RHOC: variants seen among roughly 807,000 people sequenced by gnomAD.
RHOC encodes the protein ras homolog family member C, also known as rho-related GTP-binding protein RhoC.
Under a neutral mutation model 19.5 loss-of-function variants are expected in RHOC, and 13 were observed. That is an observed-to-expected ratio of 0.67 (90% CI 0.43 to 1.06). RHOC has a LOEUF of 1.06. Among genes scored for constraint, RHOC ranks in the 50% least tolerant of loss-of-function variants. RHOC has a pLI of 0.00. For missense variants in RHOC, 173 were observed against 256.9 expected (o/e 0.67, Z 2.23); for synonymous variants, 106 against 97.3 (o/e 1.09, Z -0.52).
intron 4 of RHOC, 40 bp downstream of exon 4, chr1:112,702,959 T>C (rs755137127): frequency 3.7e-6 from 6 of 1,610,130 alleles, no homozygotes; most frequent in East Asian, 2.2e-5. Context: ...CTCTGGCTGA[T>C]TCCAAGGGGT....
intron 5 of RHOC, 121 bp from the exon 6 acceptor site, chr1:112,701,834 G>A (rs1674649563): frequency 1.6e-5 from 17 of 1,053,248 alleles, no homozygotes; most frequent in Non-Finnish European, 2.1e-5. Context: ...CCCAGAAAGC[G>A]CCCAGGCCCC....
chr1:112,704,972 G>A (rs1674788078), intron 2 of RHOC, 128 bp downstream of exon 2: 4 of 651,368 alleles, frequency 6.1e-6, no homozygotes. Flanking sequence ...CTGTGACTCA[G>A]GGCAAGGAGT....
In RHOC at chr1:112,705,014, C is replaced by T. The variant is rs1483584982; in HGVS notation, c.-8+86G>A. 3 of 685,482 alleles carry T rather than the reference C, an allele frequency of 4.4e-6. No individual in the cohort carries two copies. The African/African-American group carries it at 5.3e-5, about 12-fold the overall frequency. The allele number at this position is 685,482 out of a possible 1,614,324, so 42.5% of individuals were successfully genotyped here. A position where few individuals can be genotyped will look rare whatever the true frequency, so the allele number is the denominator to read the frequency against. On this transcript the variant is annotated intron_variant, in intron 2 of 5. Transcript: ENST00000339083. Reference sequence around the variant, plus strand: ...CCCGGGCTTCCATGTGTCCCCCACCCCCAGCACACACAGCGAGCATCTGCA... The same window carrying T: ...CCCGGGCTTCCATGTGTCCCCCACCTCCAGCACACACAGCGAGCATCTGCA...
chr1:112,703,891 AC>A, intron 2 of RHOC, 85 bp from the exon 3 acceptor site: 2 of 1,307,642 alleles, frequency 1.5e-6, no homozygotes, highest in East Asian at 2.5e-5. Flanking sequence ...CTCCCTGGAA[AC>A]CGAGGCATCT....
rs1674790561 is a variant in RHOC, at chr1:112,705,025, C to T, written c.-8+75G>A. ...ATGTGTCCCCCACCCCCAGCACACACAGCGAGCATCTGCACAGTTCATCAC... is the reference window on the plus strand; with the variant it reads ...ATGTGTCCCCCACCCCCAGCACACATAGCGAGCATCTGCACAGTTCATCAC... On this transcript the variant is annotated intron_variant, in intron 2 of 5. Coordinates refer to ENST00000339083, the MANE Select transcript of RHOC (RefSeq NM_175744.5). The T allele has an allele frequency of 4.3e-6, 3 of 689,836 alleles. No individual in the cohort carries two copies. In the South Asian group the frequency reaches 4.5e-5, roughly 10 times the overall value. The allele number at this position is 689,836 out of a possible 1,614,324, so 42.7% of individuals were successfully genotyped here. A position where few individuals can be genotyped will look rare whatever the true frequency, so the allele number is the denominator to read the frequency against.
intron 1 of RHOC, 86 bp from the exon 2 acceptor site, chr1:112,705,254 C>T (rs1674801035): frequency 2.9e-6 from 2 of 693,268 alleles, no homozygotes; most frequent in African/African-American, 1.8e-5. Flanking sequence ...CAGCACCAAC[C>T]AGGCAGGGAG....
intron 1 of RHOC, among the ~76,000 whole-genome samples, chr1:112,706,514 A>AC (rs1674894559): frequency 1.4e-5 from 1 of 72,902 alleles, no homozygotes; most frequent in Non-Finnish European, 2.9e-5. Context: ...ACACACACAC[A>AC]CACACACACA....
chr1:112,701,527 G>T lies in RHOC; in HGVS notation c.*13C>A. 1 of 1,614,130 alleles carries T rather than the reference G, an allele frequency of 6.2e-7. No homozygotes were observed. The highest frequency in any genetic ancestry group is 1.1e-5 in the South Asian group (1 of 91,086). Reference sequence around the variant, plus strand: ...GTGAAGGGAGGGGGCATGTAGGAAAGGCCTTGGGGATCTCAGAGAATGGGA... The same window carrying T: ...GTGAAGGGAGGGGGCATGTAGGAAATGCCTTGGGGATCTCAGAGAATGGGA... On this transcript the variant is annotated 3_prime_UTR_variant, in exon 6 of 6. Coordinates refer to ENST00000339083, the MANE Select transcript of RHOC (RefSeq NM_175744.5).
chr1:112,703,347 G>A (rs1674726295), intron 3 of RHOC: 1 of 710,948 alleles, frequency 1.4e-6, no homozygotes, highest in Admixed American at 2.2e-5. Flanking sequence ...CATTATTTTG[G>A]TTAATTCTCA....
intron 3 of RHOC, 66 bp from the exon 4 acceptor site, chr1:112,703,185 A>G: frequency 6.3e-7 from 1 of 1,594,182 alleles, no homozygotes; most frequent in East Asian, 2.3e-5. Flanking sequence ...AGGTCCCCTG[A>G]AACCACTGTC....
chr1:112,702,785 A>C, intron 4 of RHOC, 92 bp from the exon 5 acceptor site: 1 of 1,540,938 alleles, frequency 6.5e-7, no homozygotes, highest in South Asian at 1.2e-5. Context: ...GCAGTCTTAG[A>C]AGCCATTCAG....
At chr1:112,706,421 CTCTCTCTCTA>C (rs958399572) in intron 1 of RHOC, among the ~76,000 whole-genome samples, 2 of 98,636 alleles carry the variant, frequency 2.0e-5, no homozygotes, top group South Asian at 3.9e-4. Context: ...CTCTCTCTCT[CTCTCTCTCTA>C]CACACACACA....
chr1:112,707,071 A>C lies in RHOC; in HGVS notation c.-77+7T>G, dbSNP rs1029044589. On this transcript the variant is annotated splice_region_variant and intron_variant, in intron 1 of 5. Coordinates refer to ENST00000339083, the MANE Select transcript of RHOC (RefSeq NM_175744.5). ...GCCCCACCGCCCGCAGCCCCGGCCC[A>C]GGGTACCTTCCGCTCCGCCGCCTCC... 1 of 151,772 alleles carries C rather than the reference A, an allele frequency of 6.6e-6. No homozygotes were observed. Among genetic ancestry groups the C allele is most frequent in the African/African-American group, 2.4e-5 (1 of 41,264 alleles). 9.4% of individuals were successfully genotyped at this position (151,772 alleles called of 1,614,324 possible).
chr1:112,703,813 G>A lies in RHOC; in HGVS notation c.-7-7C>T, dbSNP rs1288513113. The A allele has an allele frequency of 1.2e-6, 2 of 1,606,312 alleles. No homozygotes were observed. Among genetic ancestry groups the A allele is most frequent in the East Asian group, 4.5e-5 (2 of 44,724 alleles). The stretch of plus-strand genomic sequence containing the variant: ...GATTGCAGCCATGGTGGGGCTGCCA[G>A]GAAAGACGTATTGGGGATTTGAGGA... On this transcript the variant is annotated splice_polypyrimidine_tract_variant and splice_region_variant and intron_variant, in intron 2 of 5. Coordinates refer to ENST00000339083, the MANE Select transcript of RHOC (RefSeq NM_175744.5).
intron 3 of RHOC, chr1:112,703,394 A>C: frequency 1.4e-6 from 1 of 715,838 alleles, no homozygotes; most frequent in South Asian, 1.5e-5. Context: ...CATCATCCCC[A>C]TTTTGCAGGT....
intron 2 of RHOC, chr1:112,704,273 A>G (rs1674767043): frequency 6.4e-6 from 1 of 156,642 alleles, no homozygotes; most frequent in African/African-American, 2.4e-5. Context: ...CCCTCAGCAC[A>G]AGTCATACCT....
In RHOC at chr1:112,702,602, T is replaced by C. The variant is rs1207500155; in HGVS notation, c.369A>G (p.Gln123=). 16 of 1,614,138 alleles carry C rather than the reference T, an allele frequency of 9.9e-6. No homozygotes were observed. Among genetic ancestry groups the C allele is most frequent in the Non-Finnish European group, 1.4e-5 (16 of 1,179,996 alleles). Residue 123 remains glutamine, a synonymous_variant, in exon 5 of 6, where the codon CAA becomes CAG. Coordinates refer to ENST00000339083, the MANE Select transcript of RHOC (RefSeq NM_175744.5). ...ILVGNKKDLR[Q]DEHTRRELAK... is the part of the protein sequence containing the mutation. Reference sequence around the variant, plus strand: ...CCAGCTCTCTCCTGGTGTGCTCGTCTTGCCTCAGGTCCTTCTTATTCCCCA... The same window carrying C: ...CCAGCTCTCTCCTGGTGTGCTCGTCCTGCCTCAGGTCCTTCTTATTCCCCA...
intron 5 of RHOC, 139 bp downstream of exon 5, chr1:112,702,424 A>G (rs1333467267): frequency 2.3e-6 from 2 of 878,246 alleles, no homozygotes; most frequent in Non-Finnish European, 3.5e-6. Context: ...ACACAACCCT[A>G]TGGGTCCTCC....
chr1:112,701,589 C>CCACTCG lies in RHOC; in HGVS notation c.532_533insCGAGTG (p.Ala177_Gly178insAlaSer). 6.2e-7 allele frequency: 1 copy of CCACTCG among 1,614,102 alleles called. No homozygotes were observed. Among genetic ancestry groups the CCACTCG allele is most frequent in the Non-Finnish European group, 8.5e-7 (1 of 1,179,990 alleles). ...ACGCTTGTTCTTGCGGACCTGGAGGCCAGCCCGAGTGGCCATCTCAAACAC... is the reference window on the plus strand; with the variant it reads ...ACGCTTGTTCTTGCGGACCTGGAGGCCACTCGCAGCCCGAGTGGCCATCTCAAACAC... On this transcript the variant is annotated inframe_insertion, in exon 6 of 6. Coordinates refer to ENST00000339083, the MANE Select transcript of RHOC (RefSeq NM_175744.5).
Sources: gnomAD v4.1 joint callset for allele counts (sites outside exome capture counted in the v4.1 genomes callset) on GRCh38, gnomAD v4.1.1 for gene constraint, MANE v1.5 for transcripts, NCBI Gene and HGNC (gene_info 2026-07-23, HGNC 2026-07-21) for gene names.